BIRC6: variants seen among roughly 807,000 people sequenced by gnomAD.
The protein encoded by BIRC6 is dual E2 ubiquitin-conjugating enzyme/E3 ubiquitin-protein ligase BIRC6.
Under a neutral mutation model 503.3 loss-of-function variants are expected in BIRC6, and 98 were observed. That is an observed-to-expected ratio of 0.19 (90% CI 0.17 to 0.23). The LOEUF (loss-of-function observed/expected upper bound fraction) is 0.23, where lower values mean the gene tolerates loss of function less well. Among genes scored for constraint, BIRC6 ranks in the 10% least tolerant of loss-of-function variants. BIRC6 has a pLI of 1.00. For synonymous variants in BIRC6, 2,240 were observed against 2,078.7 expected (o/e 1.08, Z -2.11); for missense variants, 5,360 against 5,806.0 (o/e 0.92, Z 2.50).
At position 32,414,778 on chromosome 2, in the gene BIRC6, C is replaced by T; in HGVS notation, c.1487C>T (p.Ser496Leu). 2 of 1,611,922 alleles carry T rather than the reference C, an allele frequency of 1.2e-6. No homozygotes were observed. Among genetic ancestry groups the T allele is most frequent in the Non-Finnish European group, 1.7e-6 (2 of 1,178,476 alleles). ...TTGTTCCTTTTTAAAGGGCATACAT[C>T]ACAGAAGGAAGCCATGGAAGTAAGC... Reference protein sequence around the residue: ...SRSDSVTGHTSQKEAMEVSLD... With the variant: ...SRSDSVTGHTLQKEAMEVSLD... The change falls in exon 10 of 74, where the codon TCA becomes TTA. Residue 496 changes from serine (S) to leucine (L), a missense_variant. Transcript: ENST00000421745.
intron 8 of BIRC6, among the ~76,000 whole-genome samples, chr2:32,405,390 C>G (rs1435709220): frequency 6.6e-6 from 1 of 152,116 alleles, no homozygotes; most frequent in Non-Finnish European, 1.5e-5. Context: ...AACAGAGAAA[C>G]TTTTTCAAAA....
Position 32,505,010 on chromosome 2 carries a change from A to G in BIRC6, c.9505A>G (p.Ile3169Val), listed in dbSNP as rs770044400. The G allele has an allele frequency of 3.7e-6, 6 of 1,612,894 alleles. No individual in the cohort carries two copies. Among genetic ancestry groups the G allele is most frequent in the East Asian group, 2.2e-5 (1 of 44,856 alleles). Residue 3169 changes from isoleucine to valine, a missense_variant, in exon 50 of 74, where the codon ATC (isoleucine) becomes GTC (valine). By Grantham distance (29) the Ile-to-Val change is conservative. Around this residue, in one of 16 missense-constraint regions of BIRC6, gnomAD observed 267 missense variants for 287.6 expected, o/e 0.93. Transcript: ENST00000421745. ...GIHNFAPLGT[I>V]TSSSPTAQPA... ...ATGTAAAATATCTTCTCTAGGTACAATCACATCTAGCAGTCCTACTGCCCA... is the reference window on the plus strand; with the variant it reads ...ATGTAAAATATCTTCTCTAGGTACAGTCACATCTAGCAGTCCTACTGCCCA...
chr2:32,487,288 G>A (rs2051112236), intron 40 of BIRC6, among the ~76,000 whole-genome samples: 2 of 152,078 alleles, frequency 1.3e-5, no homozygotes, highest in African/African-American at 4.8e-5. Flanking sequence ...CTAGAATCTA[G>A]ATTATTCTAA....
chr2:32,391,701 A>G (rs2039256034), intron 4 of BIRC6, among the ~76,000 whole-genome samples: 1 of 152,240 alleles, frequency 6.6e-6, no homozygotes, highest in Non-Finnish European at 1.5e-5. Flanking sequence ...GGACTTCTCA[A>G]AAAGTTTACT....
chr2:32,518,509 A>T (rs184953358), intron 56 of BIRC6, 112 bp downstream of exon 56: 2 of 1,123,224 alleles, frequency 1.8e-6, no homozygotes, highest in Non-Finnish European at 1.2e-6. Context: ...AAGTGAAACT[A>T]GCACAGCCTT....
intron 14 of BIRC6, 58 bp from the exon 15 acceptor site, chr2:32,435,995 T>A: frequency 9.3e-7 from 1 of 1,070,044 alleles, no homozygotes; most frequent in Non-Finnish European, 1.3e-6. Context: ...ATTTGCTTAT[T>A]AAATATTACA....
At chr2:32,372,473 A>G (rs1280128585) in intron 1 of BIRC6, among the ~76,000 whole-genome samples, 3 of 152,094 alleles carry the variant, frequency 2.0e-5, no homozygotes, top group African/African-American at 7.2e-5. Context: ...ATGTATTAAT[A>G]TTTCATTCCT....
At chr2:32,575,751 C>T (rs1217185034) in intron 66 of BIRC6, among the ~76,000 whole-genome samples, 6 of 150,660 alleles carry the variant, frequency 4.0e-5, no homozygotes, top group African/African-American at 7.3e-5. Flanking sequence ...GGTGACAGAG[C>T]GAGACTCCGT....
chr2:32,604,545 A>G (rs2062299180), intron 71 of BIRC6, among the ~76,000 whole-genome samples: 1 of 152,276 alleles, frequency 6.6e-6, no homozygotes, highest in Non-Finnish European at 1.5e-5. Flanking sequence ...AAGATAACCC[A>G]TGTCATAAAG....
chr2:32,501,764 A>G lies in BIRC6; in HGVS notation c.9083A>G (p.Asp3028Gly). The G allele has an allele frequency of 6.2e-7, 1 of 1,613,696 alleles. No individual in the cohort carries two copies. ...TKHENFHGGL[D>G]AISVGDGLFT... ...CATGAAAACTTTCATGGTGGGTTGG[A>G]TGCCATATCAGTTGGGGATGGATTA... is the stretch of plus-strand genomic sequence containing the variant. Residue 3028 changes from aspartate to glycine, a missense_variant, in exon 47 of 74, where the codon GAT (aspartate) becomes GGT (glycine). Coordinates refer to ENST00000421745, the MANE Select transcript of BIRC6 (RefSeq NM_016252.4).
At chr2:32,524,085 A>G (rs1267525835) in intron 57 of BIRC6, among the ~76,000 whole-genome samples, 1 of 152,110 alleles carries the variant, frequency 6.6e-6, no homozygotes, top group African/African-American at 2.4e-5. Flanking sequence ...TAACAGTTAT[A>G]TAGTGAAAAA....
At chr2:32,461,059 T>C (rs1260451148) in intron 23 of BIRC6, among the ~76,000 whole-genome samples, 1,523 of 64,262 alleles carry the variant, frequency 0.024, 153 homozygotes, top group Non-Finnish European at 0.036. Flanking sequence ...TCTCTTCTCT[T>C]CTCTTCTGTT....
chr2:32,491,333 A>T, intron 43 of BIRC6, 92 bp from the exon 44 acceptor site: 1 of 1,269,684 alleles, frequency 7.9e-7, no homozygotes, highest in Non-Finnish European at 1.1e-6. Flanking sequence ...GAATGTATGA[A>T]TTTTCCTTGG....
At chr2:32,441,146 C>T (rs1158506016) in intron 16 of BIRC6, among the ~76,000 whole-genome samples, 183 bp from the exon 17 acceptor site, 1 of 151,936 alleles carries the variant, frequency 6.6e-6, no homozygotes, top group Non-Finnish European at 1.5e-5. Flanking sequence ...TTTTTTTCCC[C>T]TATTATAATT....
At chr2:32,473,370 C>G (rs1295066267) in intron 33 of BIRC6, 131 bp downstream of exon 33, 12 of 684,382 alleles carry the variant, frequency 1.8e-5, no homozygotes, top group East Asian at 1.5e-4. Flanking sequence ...TCATCTAACA[C>G]TTTGGAGACT....
intron 26 of BIRC6, 45 bp downstream of exon 26, chr2:32,465,209 A>ATTTT: frequency 1.3e-6 from 1 of 745,058 alleles, no homozygotes; most frequent in Non-Finnish European, 1.8e-6. Flanking sequence ...TTTTTTGCTT[A>ATTTT]GTCTGCCGGC....
chr2:32,436,551 A>G (rs1462289848), intron 15 of BIRC6, among the ~76,000 whole-genome samples: 2 of 152,066 alleles, frequency 1.3e-5, no homozygotes, highest in South Asian at 2.1e-4. Context: ...ATATTATTAC[A>G]GTATCTTCCC....
intron 60 of BIRC6, among the ~76,000 whole-genome samples, chr2:32,530,822 G>C (rs2056682938): frequency 6.6e-6 from 1 of 152,092 alleles, no homozygotes; most frequent in South Asian, 2.1e-4. Context: ...AATGTTTAAA[G>C]GGTCTGGTTA....
chr2:32,477,411 C>A lies in BIRC6; in HGVS notation c.6896C>A (p.Ser2299Tyr). Reference sequence around the variant, plus strand: ...CGTTTACGTCGGACAGCAGAATGGTCCCGTTCTAATTTAGACACAGAAGTT... The same window carrying A: ...CGTTTACGTCGGACAGCAGAATGGTACCGTTCTAATTTAGACACAGAAGTT... ...LIRLRRTAEW[S>Y]RSNLDTEVTT... Residue 2299 changes from serine to tyrosine, a missense_variant, in exon 35 of 74, where the codon TCC becomes TAC. Transcript: ENST00000421745. The A allele has an allele frequency of 1.9e-6, 3 of 1,613,838 alleles. No individual in the cohort carries two copies. Among genetic ancestry groups the A allele is most frequent in the Non-Finnish European group, 2.5e-6 (3 of 1,179,864 alleles).
Sources: allele counts gnomAD v4.1 joint callset (sites outside exome capture counted in the v4.1 genomes callset), GRCh38; gene constraint gnomAD v4.1.1; regional missense constraint gnomAD v4.1.1; transcripts MANE v1.5; gene names NCBI Gene and HGNC (gene_info 2026-07-23, HGNC 2026-07-21).